The following PTBP2 variants were observed in gnomAD, a reference collection of about 807,000 sequenced individuals.
PTBP2 encodes polypyrimidine tract-binding protein 2.
PTBP2 carries 13 observed loss-of-function variants against 61.4 expected under a neutral mutation model. The ratio of observed to expected loss-of-function variants is 0.21; its 90% CI spans 0.14 to 0.34. The LOEUF (loss-of-function observed/expected upper bound fraction) is 0.34. Ranked by LOEUF, PTBP2 falls within the 10% of genes least tolerant of loss-of-function variation. PTBP2 has a pLI of 1.00. For missense variants in PTBP2, 405 were observed against 642.6 expected (o/e 0.63, Z 4.00); for synonymous variants, 215 against 218.5 (o/e 0.98, Z 0.14).
intron 3 of PTBP2, among the ~76,000 whole-genome samples, chr1:96,757,204 A>G (rs1215246265): frequency 6.6e-6 from 1 of 152,222 alleles, no homozygotes; most frequent in South Asian, 2.1e-4. Flanking sequence ...AGGCCTAACT[A>G]CACTGTCAAT....
Position 96,777,626 on chromosome 1 carries a change from A to G in PTBP2, c.474A>G (p.Thr158=). 1 of 1,613,464 alleles carries G rather than the reference A, an allele frequency of 6.2e-7. No homozygotes were observed. The highest frequency in any genetic ancestry group is 1.1e-5 in the South Asian group (1 of 90,988). ...TTCAAGCTGTGACAGCTGTCCAGAC[A>G]GCAAATACTCCTCTTAGTGGCACCA... is the stretch of plus-strand genomic sequence containing the variant. The part of the protein sequence containing the change: ...AVLQAVTAVQ[T]ANTPLSGTTV... Residue 158 remains threonine (T), a synonymous_variant, in exon 6 of 14, where the codon ACA becomes ACG. Transcript: ENST00000674951.
chr1:96,781,456 TA>T (rs1183469452), intron 7 of PTBP2, among the ~76,000 whole-genome samples: 1 of 152,018 alleles, frequency 6.6e-6, no homozygotes, highest in African/African-American at 2.4e-5. Context: ...TTTTTAGCTA[TA>T]TTGGACTTCT....
downstream of PTBP2, chr1:96,819,845 G>A (rs948990818): frequency 5.3e-5 from 8 of 151,742 alleles, no homozygotes; most frequent in African/African-American, 1.9e-4. Context: ...ATGGTGGAGG[G>A]AAATTGGTCG....
At position 96,814,432 on chromosome 1, in the gene PTBP2, C is replaced by T. The variant is rs1160026049; in HGVS notation, c.*1027C>T. ...GTGGCAGTTTTCTAAAACTGACAAC[C>T]AGGTGGGACCAAAGTTTATGTGCCT... On this transcript the variant is annotated 3_prime_UTR_variant, in exon 14 of 14. Coordinates refer to ENST00000674951, the MANE Select transcript of PTBP2 (RefSeq NM_021190.4). 6.6e-6 allele frequency: 1 copy of T among 152,504 alleles called. No homozygotes were observed. The highest frequency in any genetic ancestry group is 1.5e-5 in the Non-Finnish European group (1 of 67,954). 9.4% of individuals were successfully genotyped at this position (152,504 alleles called of 1,614,324 possible). A position where few individuals can be genotyped will look rare whatever the true frequency, so the allele number is the denominator to read the frequency against.
At chr1:96,818,762 G>A (rs1385271320), downstream of PTBP2, 1 of 152,026 alleles carries the variant, frequency 6.6e-6, no homozygotes, top group African/African-American at 2.4e-5. Context: ...TGCAGATATA[G>A]TTAATACCAA....
Position 96,770,647 on chromosome 1 carries a change from G to T in PTBP2, c.289-61G>T, listed in dbSNP as rs116630180. 841 of 1,324,014 alleles carry T rather than the reference G, an allele frequency of 6.4e-4. 8 individuals carry two copies. In the African/African-American group the frequency reaches 0.012, roughly 19 times the overall value. 82.0% of individuals were successfully genotyped at this position (1,324,014 alleles called of 1,614,324 possible). On this transcript the variant is annotated intron_variant, in intron 4 of 13. Transcript: ENST00000674951. ...TTGATTAAAATCATCTGAATAGATT[G>T]CTTAGATATTAATTTTATTTGAATT...
In PTBP2 at chr1:96,769,819, T is replaced by C; in HGVS notation, c.232T>C (p.Leu78=). 6.2e-7 allele frequency: 1 copy of C among 1,610,888 alleles called. No individual in the cohort carries two copies. Among genetic ancestry groups the C allele is most frequent in the Admixed American group, 1.7e-5 (1 of 59,588 alleles). The change falls in exon 4 of 14, where the codon TTA becomes CTA. Residue 78 remains leucine (L), a synonymous_variant. Transcript: ENST00000674951. Reference sequence around the variant, plus strand: ...AGTAACAGAAACTGAAGTTATTGCTTTAGGCTTACCTTTTGGTAAGGTGAC... The same window carrying C: ...AGTAACAGAAACTGAAGTTATTGCTCTAGGCTTACCTTTTGGTAAGGTGAC... ...GEVTETEVIA[L]GLPFGKVTNI... is the part of the protein sequence containing the mutation.
intron 9 of PTBP2, 54 bp downstream of exon 9, chr1:96,804,993 G>T: frequency 5.9e-5 from 81 of 1,370,876 alleles, no homozygotes; most frequent in East Asian, 3.3e-4. Context: ...ATTTGTGAAA[G>T]TTTTTCATGT....
intron 8 of PTBP2, among the ~76,000 whole-genome samples, chr1:96,793,619 C>T (rs958090534): frequency 6.6e-6 from 1 of 152,156 alleles, no homozygotes. Flanking sequence ...GATCCGCCCA[C>T]CTTGGTCTCC....
chr1:96,794,870 A>T (rs1234281524), intron 8 of PTBP2, among the ~76,000 whole-genome samples: 1 of 152,208 alleles, frequency 6.6e-6, no homozygotes. Context: ...ACATTCAGTT[A>T]TGTGTGACGA....
intron 3 of PTBP2, among the ~76,000 whole-genome samples, chr1:96,755,121 A>G (rs34941472): frequency 0.056 from 8,603 of 152,316 alleles, 342 homozygotes; most frequent in Non-Finnish European, 0.085. Context: ...CCAGAATATT[A>G]AAAGATTCAG....
chr1:96,777,965 A>G lies in PTBP2; in HGVS notation c.708+19A>G, dbSNP rs772368527. 2.1e-5 allele frequency: 29 copies of G among 1,409,844 alleles called. No homozygotes were observed. The highest frequency in any genetic ancestry group is 2.7e-5 in the Non-Finnish European group (28 of 1,029,472). 87.3% of individuals were successfully genotyped at this position (1,409,844 alleles called of 1,614,324 possible). ...AAAACTAGTAAGTCTTTCTTTTGAG[A>G]TGGTGATTTTTTTTTATTGAAATGT... On this transcript the variant is annotated intron_variant, in intron 7 of 13. Coordinates refer to ENST00000674951, the MANE Select transcript of PTBP2 (RefSeq NM_021190.4).
intron 8 of PTBP2, among the ~76,000 whole-genome samples, chr1:96,798,323 T>C (rs1557766831): frequency 6.8e-6 from 1 of 146,336 alleles, no homozygotes; most frequent in Non-Finnish European, 1.5e-5. Context: ...GGAGAATTGC[T>C]TGAACCCAGG....
chr1:96,805,074 C>T (rs1306456639), intron 9 of PTBP2, 135 bp downstream of exon 9: 1 of 659,328 alleles, frequency 1.5e-6, no homozygotes, highest in Non-Finnish European at 2.4e-6. Context: ...TATGTTTCTA[C>T]TTCTGAATAA....
chr1:96,807,025 C>T (rs549274990), intron 11 of PTBP2, 67 bp downstream of exon 11: 108 of 1,223,220 alleles, frequency 8.8e-5, no homozygotes, highest in Non-Finnish European at 1.1e-4. Flanking sequence ...TGTGAATGTG[C>T]GAATAAAAAT....
At chr1:96,730,579 T>C (rs1651262581) in intron 2 of PTBP2, among the ~76,000 whole-genome samples, 2 of 152,342 alleles carry the variant, frequency 1.3e-5, no homozygotes, top group Admixed American at 1.3e-4. Flanking sequence ...CTTGGATCTT[T>C]GTAAACATGG....
At chr1:96,740,215 A>C (rs892434789) in intron 2 of PTBP2, among the ~76,000 whole-genome samples, 5 of 152,204 alleles carry the variant, frequency 3.3e-5, no homozygotes, top group Non-Finnish European at 7.3e-5. Flanking sequence ...TGAGTGACTT[A>C]AAAAACAGAG....
intron 3 of PTBP2, among the ~76,000 whole-genome samples, chr1:96,765,384 G>A (rs1656564983): frequency 6.6e-6 from 1 of 152,144 alleles, no homozygotes; most frequent in Admixed American, 6.5e-5. Context: ...AAGTATAACG[G>A]TGAATGAGTA....
intron 2 of PTBP2, among the ~76,000 whole-genome samples, chr1:96,733,766 C>A (rs1651767515): frequency 6.6e-6 from 1 of 152,166 alleles, no homozygotes; most frequent in Admixed American, 6.5e-5. Flanking sequence ...ATGCATAGAT[C>A]CACTTATACA....
Sources: allele counts gnomAD v4.1 joint callset (sites outside exome capture counted in the v4.1 genomes callset), GRCh38; gene constraint gnomAD v4.1.1; transcripts MANE v1.5; gene names NCBI Gene and HGNC (gene_info 2026-07-23, HGNC 2026-07-21).